Variants in PTPRD observed in about 807,000 individuals in gnomAD.
The protein encoded by PTPRD is receptor-type tyrosine-protein phosphatase delta.
Under a neutral mutation model 214.5 loss-of-function variants are expected in PTPRD, and 34 were observed. That is an observed-to-expected ratio of 0.16 (90% confidence interval 0.12 to 0.21). The LOEUF is 0.21. Among genes scored for constraint, PTPRD ranks in the 10% least tolerant of loss-of-function variants. PTPRD has a pLI of 1.00. For synonymous variants in PTPRD, 1,128 were observed against 845.7 expected (o/e 1.33, Z -5.79); for missense variants, 2,545 against 2,398.7 (o/e 1.06, Z -1.27).
intron 11 of PTPRD, among the ~76,000 whole-genome samples, chr9:8,832,169 C>A (rs7048788): frequency 2.6e-5 from 4 of 151,300 alleles, no homozygotes; most frequent in Non-Finnish European, 5.9e-5. Context: ...ACTACCAAGA[C>A]AGTACCTAAA....
intron 21 of PTPRD, among the ~76,000 whole-genome samples, chr9:8,514,635 T>TA (rs2097753287): frequency 6.6e-6 from 1 of 152,014 alleles, no homozygotes; most frequent in Non-Finnish European, 1.5e-5. Flanking sequence ...CTTAGATAAA[T>TA]ATATGAATAA....
chr9:10,580,308 A>C (rs1021813979), intron 2 of PTPRD, among the ~76,000 whole-genome samples: 1 of 152,212 alleles, frequency 6.6e-6, no homozygotes, highest in African/African-American at 2.4e-5. Flanking sequence ...CCATTTTTAA[A>C]ATAAAATATT....
At chr9:9,091,015 G>A (rs888659294) in intron 10 of PTPRD, 17 of 1,569,612 alleles carry the variant, frequency 1.1e-5, no homozygotes, top group African/African-American at 4.0e-5. Flanking sequence ...TAAGAAATTC[G>A]TCATTCGAAA....
At chr9:10,284,525 T>C (rs1271664569) in intron 3 of PTPRD, among the ~76,000 whole-genome samples, 1 of 152,250 alleles carries the variant, frequency 6.6e-6, no homozygotes, top group Admixed American at 6.5e-5. Flanking sequence ...TAGTTTTCTA[T>C]TGCTGTAGAA....
chr9:9,684,548 G>A (rs2097134797), intron 7 of PTPRD, among the ~76,000 whole-genome samples: 2 of 151,660 alleles, frequency 1.3e-5, no homozygotes, highest in African/African-American at 4.8e-5. Context: ...TGGTAATTGA[G>A]TAATAATATT....
At chr9:10,149,715 T>TGA (rs2099047571) in intron 3 of PTPRD, among the ~76,000 whole-genome samples, 1 of 151,910 alleles carries the variant, frequency 6.6e-6, no homozygotes. Context: ...TCTGGCACAA[T>TGA]ACCTTGTCTT....
At chr9:9,919,801 T>C (rs1016208312) in intron 5 of PTPRD, among the ~76,000 whole-genome samples, 5 of 152,158 alleles carry the variant, frequency 3.3e-5, no homozygotes, top group African/African-American at 7.2e-5. Context: ...CAGTCTTCGT[T>C]ACTGCAGCAT....
chr9:10,518,751 C>G lies in PTPRD; in HGVS notation c.-600+93647G>C, dbSNP rs182858608. Among the ~76,000 whole-genome samples, 151 of 152,094 alleles carry G rather than the reference C, an allele frequency of 9.9e-4. 2 individuals carry two copies. The East Asian group carries it at 0.027, about 27-fold the overall frequency. On this transcript the variant is annotated intron_variant, in intron 2 of 45. Transcript: ENST00000381196. ...GTTTTACCGTGTTAGCCAAGATGGT[C>G]TTGATCTCCTGACCTCGTGATCTGC...
At chr9:10,423,271 CAG>C (rs1017853760) in intron 2 of PTPRD, among the ~76,000 whole-genome samples, 2 of 151,866 alleles carry the variant, frequency 1.3e-5, no homozygotes, top group African/African-American at 2.4e-5. Flanking sequence ...CACTTGGACA[CAG>C]GGTGGGGAAC....
chr9:8,330,317 TTCCAGCTCTTG>T (rs1402796076), intron 44 of PTPRD, among the ~76,000 whole-genome samples: 1 of 152,148 alleles, frequency 6.6e-6, no homozygotes, highest in African/African-American at 2.4e-5. Flanking sequence ...TCAGCCATCT[TTCCAGCTCTTG>T]TAAGTACATT....
chr9:10,244,314 G>A (rs1177369248), intron 3 of PTPRD, among the ~76,000 whole-genome samples: 1 of 152,076 alleles, frequency 6.6e-6, no homozygotes, highest in Non-Finnish European at 1.5e-5. Context: ...CCCAAAAGCA[G>A]AGATATTGAT....
At chr9:9,689,644 C>A (rs1024509243) in intron 7 of PTPRD, among the ~76,000 whole-genome samples, 1 of 151,688 alleles carries the variant, frequency 6.6e-6, no homozygotes, top group East Asian at 1.9e-4. Context: ...CCACTCCTCC[C>A]CTCTACTCTT....
intron 14 of PTPRD, among the ~76,000 whole-genome samples, chr9:8,612,309 G>A (rs998304671): frequency 2.6e-5 from 4 of 152,116 alleles, no homozygotes; most frequent in East Asian, 1.9e-4. Flanking sequence ...TGTATGTTTG[G>A]CCATATCAAT....
At chr9:9,909,504 C>T (rs1336978037) in intron 5 of PTPRD, among the ~76,000 whole-genome samples, 1 of 151,414 alleles carries the variant, frequency 6.6e-6, no homozygotes, top group Non-Finnish European at 1.5e-5. Flanking sequence ...AGGCCTTAAC[C>T]CCTCCATTCT....
At chr9:9,668,798 T>C (rs2096772324) in intron 7 of PTPRD, among the ~76,000 whole-genome samples, 1 of 152,146 alleles carries the variant, frequency 6.6e-6, no homozygotes, top group Admixed American at 6.5e-5. Context: ...GTGTTCATAA[T>C]CATTCTTATA....
intron 10 of PTPRD, among the ~76,000 whole-genome samples, chr9:9,134,041 G>C (rs1297512315): frequency 7.1e-6 from 1 of 140,590 alleles, no homozygotes; most frequent in Admixed American, 7.3e-5. Context: ...GTTTCCAATA[G>C]TTCATATAGA....
chr9:9,969,700 G>T (rs2094958281), intron 4 of PTPRD, among the ~76,000 whole-genome samples: 1 of 152,190 alleles, frequency 6.6e-6, no homozygotes, highest in South Asian at 2.1e-4. Flanking sequence ...TGACTTCTCT[G>T]ATCAACCTTG....
intron 7 of PTPRD, among the ~76,000 whole-genome samples, chr9:9,684,298 T>C (rs1267642978): frequency 6.6e-6 from 1 of 151,718 alleles, no homozygotes; most frequent in African/African-American, 2.4e-5. Context: ...CTAGTCACCA[T>C]GACACTCTAA....
Position 8,977,865 on chromosome 9 carries a change from A to G in PTPRD, c.-104+40832T>C, listed in dbSNP as rs537021099. 2.0e-4 allele frequency among the ~76,000 whole-genome samples: 30 copies of G among 152,214 alleles called. 1 individual carries two copies. Among genetic ancestry groups the G allele is most frequent in the African/African-American group, 7.2e-4 (30 of 41,542 alleles). On this transcript the variant is annotated intron_variant, in intron 11 of 45. Transcript: ENST00000381196. The stretch of plus-strand genomic sequence containing the variant: ...CTGAGGGAGGTAGAAAATGTAATGG[A>G]AAAACGTAATATAGCAGGTCTTACA...
Sources: allele counts gnomAD v4.1 joint callset (sites outside exome capture counted in the v4.1 genomes callset), GRCh38; gene constraint gnomAD v4.1.1; transcripts MANE v1.5; gene names NCBI Gene and HGNC (gene_info 2026-07-23, HGNC 2026-07-21).